The following ARSL variants were observed in gnomAD, a reference collection of about 807,000 sequenced individuals.
ARSL encodes arylsulfatase E (chondrodysplasia punctata 1).
A neutral mutation model predicts 31.1 loss-of-function variants in ARSL; 4 were observed. That is an observed-to-expected ratio of 0.13 (90% confidence interval 0.06 to 0.29). ARSL has a LOEUF of 0.29. Ranked by LOEUF, ARSL falls within the 10% of genes least tolerant of loss-of-function variation. ARSL has a pLI of 1.00. For synonymous variants in ARSL, 198 were observed against 209.9 expected (o/e 0.94, Z 0.49); for missense variants, 312 against 497.8 (o/e 0.63, Z 3.55).
At chrX:2,949,968 A>G (rs768960024) in intron 5 of ARSL, among the ~76,000 whole-genome samples, 34 of 111,927 alleles carry the variant, frequency 3.0e-4, no homozygotes, top group Non-Finnish European at 5.6e-4. Flanking sequence ...GGTGGAACAA[A>G]TTACTGTAAA....
chrX:2,953,602 GA>G (rs1353469097), intron 4 of ARSL, among the ~76,000 whole-genome samples: 1 of 111,939 alleles, frequency 8.9e-6, no homozygotes, highest in Non-Finnish European at 1.9e-5. Context: ...GTCCAGGCTG[GA>G]ATGCAGTGGT....
intron 6 of ARSL, among the ~76,000 whole-genome samples, chrX:2,946,505 A>ATTTTTTTT (rs139364080): frequency 6.6e-5 from 3 of 45,516 alleles, no homozygotes; most frequent in African/African-American, 2.6e-4. Flanking sequence ...GGCCCAGCTA[A>ATTTTTTTT]TTTTTTTTTT....
intron 8 of ARSL, 58 bp from the exon 9 acceptor site, chrX:2,938,315 T>C: frequency 1.7e-6 from 2 of 1,180,913 alleles, no homozygotes; most frequent in South Asian, 3.7e-5. Context: ...ATGCTCAGCC[T>C]GGCTGATTTA....
intron 6 of ARSL, 114 bp from the exon 7 acceptor site, chrX:2,946,248 A>C (rs1249813756): frequency 2.9e-6 from 2 of 692,125 alleles, no homozygotes; most frequent in African/African-American, 2.2e-5. Flanking sequence ...ATGTCTTCTC[A>C]ACTCTGCTCA....
chrX:2,949,527 G>T lies in ARSL; in HGVS notation c.631C>A (p.Leu211Met). ...FQVLALVALT[L>M]VAGKLTHLIP... ...AGGTGTGTGAGCTTCCCTGCTACCA[G>T]TGTGAGGGCAACCAAGGCCAGGACT... is the stretch of plus-strand genomic sequence containing the variant. Residue 211 changes from leucine to methionine, a missense_variant, in exon 6 of 11, where the codon CTG becomes ATG. Leu to Met is a conservative substitution (Grantham distance 15, BLOSUM62 2). Coordinates refer to ENST00000381134, the MANE Select transcript of ARSL (RefSeq NM_000047.3). 1 of 1,211,514 alleles carries T rather than the reference G, an allele frequency of 8.3e-7. No individual in the cohort carries two copies. Among genetic ancestry groups the T allele is most frequent in the Non-Finnish European group, 1.1e-6 (1 of 895,471 alleles).
chrX:2,948,114 C>G (rs1040569369), intron 6 of ARSL, among the ~76,000 whole-genome samples: 106 of 110,823 alleles, frequency 9.6e-4, no homozygotes, highest in African/African-American at 3.4e-3. Context: ...GCTCGAGACT[C>G]TGTCTCAAAA....
In ARSL at chrX:2,949,651, A is replaced by G; in HGVS notation, c.507T>C (p.His169=). 8.3e-7 allele frequency: 1 copy of G among 1,211,859 alleles called. No homozygotes were observed. Among genetic ancestry groups the G allele is most frequent in the Non-Finnish European group, 1.1e-6 (1 of 895,575 alleles). The change falls in exon 6 of 11, where the codon CAT becomes CAC. Residue 169 remains histidine, a synonymous_variant. Transcript: ENST00000381134. ...TCAAGGAGAAAGGCATTCCGTAGAA[A>G]TGGTCAAAGCCATGATGGAGAGGGT... The part of the protein sequence containing the change: ...CHHPLHHGFD[H]FYGMPFSLMG...
chrX:2,943,035 G>C lies in ARSL; in HGVS notation c.1126+30C>G, dbSNP rs745943678. ...TTGCAGGGAAGAGATAAACTTGCAA[G>C]ATGAAGATCTGGGAGCATCTCAGTC... On this transcript the variant is annotated intron_variant, in intron 8 of 10. Coordinates refer to ENST00000381134, the MANE Select transcript of ARSL (RefSeq NM_000047.3). 9 of 1,207,048 alleles carry C rather than the reference G, an allele frequency of 7.5e-6. No homozygotes were observed. The South Asian group carries it at 1.2e-4, about 17-fold the overall frequency.
intron 5 of ARSL, among the ~76,000 whole-genome samples, chrX:2,951,187 T>C (rs2089455323): frequency 1.8e-5 from 2 of 111,891 alleles, no homozygotes; most frequent in South Asian, 7.5e-4. Context: ...TGCAGTGCAA[T>C]GATGAAGGCC....
intron 1 of ARSL, among the ~76,000 whole-genome samples, chrX:2,962,889 A>G (rs1377248871): frequency 1.8e-5 from 2 of 111,010 alleles, no homozygotes; most frequent in African/African-American, 3.3e-5. Flanking sequence ...AACTCAAAAG[A>G]AGGCAACTGT....
intron 6 of ARSL, 102 bp from the exon 7 acceptor site, chrX:2,946,236 A>T (rs1198973925): frequency 2.5e-6 from 2 of 813,257 alleles, no homozygotes; most frequent in African/African-American, 4.1e-5. Context: ...ATCATTACTC[A>T]AATGTCTTCT....
chrX:2,966,943 A>G (rs766844380), upstream of ARSL, among the ~76,000 whole-genome samples: 1 of 111,083 alleles, frequency 9.0e-6, no homozygotes, highest in South Asian at 3.7e-4. Flanking sequence ...ATACATACAT[A>G]TATGTATACA....
At chrX:2,967,873 A>G (rs1489191524), upstream of ARSL, among the ~76,000 whole-genome samples, 1 of 110,837 alleles carries the variant, frequency 9.0e-6, no homozygotes. Context: ...CAGCATCTCT[A>G]AGATAAGAAT....
intron 5 of ARSL, among the ~76,000 whole-genome samples, chrX:2,951,092 T>C (rs1304929948): frequency 8.9e-6 from 1 of 111,994 alleles, no homozygotes; most frequent in Non-Finnish European, 1.9e-5. Context: ...AAAGACTCTT[T>C]TTGCATATAA....
At chrX:2,960,291 A>T in intron 2 of ARSL, 87 bp downstream of exon 2, 1 of 489,922 alleles carries the variant, frequency 2.0e-6, no homozygotes. Flanking sequence ...AAAAAAAAAA[A>T]AAAGAAGAGA....
intron 8 of ARSL, 99 bp from the exon 9 acceptor site, chrX:2,938,356 TTC>T (rs969336527): frequency 6.7e-5 from 72 of 1,072,841 alleles, no homozygotes; most frequent in Non-Finnish European, 8.9e-5. Flanking sequence ...TGTTTGAAGT[TTC>T]TCTCTCCCTG....
chrX:2,959,811 G>T, intron 2 of ARSL: 3 of 897,949 alleles, frequency 3.3e-6, no homozygotes, highest in South Asian at 3.2e-5. Flanking sequence ...ATCTGAGCAC[G>T]TTGGGAGGCC....
chrX:2,960,202 G>C (rs1195598904), intron 2 of ARSL, among the ~76,000 whole-genome samples, 176 bp downstream of exon 2: 1 of 76,693 alleles, frequency 1.3e-5, no homozygotes, highest in African/African-American at 4.8e-5. Context: ...CCGGGAGGCG[G>C]AGCTTGCAGT....
chrX:2,956,017 CAGAG>C (rs2089519744), intron 3 of ARSL, among the ~76,000 whole-genome samples: 1 of 111,995 alleles, frequency 8.9e-6, no homozygotes, highest in Admixed American at 9.5e-5. Context: ...ACCTGGGTGA[CAGAG>C]AGACAACCTG....
Sources: gnomAD v4.1 joint callset for allele counts (sites outside exome capture counted in the v4.1 genomes callset) on GRCh38, gnomAD v4.1.1 for gene constraint, MANE v1.5 for transcripts, NCBI Gene and HGNC (gene_info 2026-07-23, HGNC 2026-07-21) for gene names.